Variants in CAMTA1 observed in about 807,000 individuals in gnomAD.
The protein encoded by CAMTA1 is calmodulin-binding transcription activator 1.
CAMTA1 carries 27 observed loss-of-function variants against 170.9 expected under a neutral mutation model. The ratio of observed to expected loss-of-function variants is 0.16; its 90% CI spans 0.12 to 0.22. The LOEUF is 0.22. Ranked by LOEUF, CAMTA1 falls within the 10% of genes least tolerant of loss-of-function variation. The pLI is 1.00. For missense variants in CAMTA1, 1,619 were observed against 2,217.2 expected (o/e 0.73, Z 5.42); for synonymous variants, 833 against 891.5 (o/e 0.93, Z 1.17).
chr1:7,162,485 C>T (rs1647417178), intron 4 of CAMTA1, among the ~76,000 whole-genome samples: 2 of 152,174 alleles, frequency 1.3e-5, no homozygotes, highest in South Asian at 4.1e-4. Context: ...CAGCCCAGGG[C>T]AACCACAAAT....
chr1:6,823,844 TG>T (rs1275893062), intron 2 of CAMTA1, among the ~76,000 whole-genome samples: 2 of 152,208 alleles, frequency 1.3e-5, no homozygotes, highest in Admixed American at 1.3e-4. Flanking sequence ...AACCAATGCC[TG>T]TATACTTATG....
In CAMTA1 at chr1:7,635,220, T is replaced by C. The variant is rs1209447535; in HGVS notation, c.511-5180T>C. Among the ~76,000 whole-genome samples the C allele has an allele frequency of 1.3e-5, 2 of 152,134 alleles. No homozygotes were observed. Among genetic ancestry groups the C allele is most frequent in the Non-Finnish European group, 2.9e-5 (2 of 68,018 alleles). ...TCTGCACAAGCTCTTCTTCCCTCCCTGAACCCACAGGGCCTGACAGGGTGG... is the reference window on the plus strand; with the variant it reads ...TCTGCACAAGCTCTTCTTCCCTCCCCGAACCCACAGGGCCTGACAGGGTGG... On this transcript the variant is annotated intron_variant, in intron 6 of 22. Coordinates refer to ENST00000303635, the MANE Select transcript of CAMTA1 (RefSeq NM_015215.4). This position sits in a 1 kb window ranked among gnomAD's most constrained non-coding sequence, Gnocchi z 4.4.
intron 6 of CAMTA1, among the ~76,000 whole-genome samples, chr1:7,500,288 A>G (rs1220992913): frequency 7.6e-6 from 1 of 131,864 alleles, no homozygotes; most frequent in Non-Finnish European, 1.6e-5. Flanking sequence ...GCATATGTAT[A>G]TGAGTGTGTG....
At chr1:7,431,076 G>T (rs1243975502) in intron 5 of CAMTA1, among the ~76,000 whole-genome samples, 1 of 152,170 alleles carries the variant, frequency 6.6e-6, no homozygotes, top group Non-Finnish European at 1.5e-5. Flanking sequence ...TCTTCAGGCT[G>T]GGGAAAACAT....
At chr1:7,129,176 G>T (rs1645107002) in intron 4 of CAMTA1, among the ~76,000 whole-genome samples, 1 of 152,008 alleles carries the variant, frequency 6.6e-6, no homozygotes, top group South Asian at 2.1e-4. Context: ...AAGGTCACTT[G>T]CCCAGGCTCC....
chr1:7,556,069 G>T (rs1174131239), intron 6 of CAMTA1, among the ~76,000 whole-genome samples: 2 of 152,232 alleles, frequency 1.3e-5, no homozygotes, highest in Non-Finnish European at 2.9e-5. Flanking sequence ...GGAGCCGGGG[G>T]CAATGTGGGC....
At chr1:6,809,639 A>G (rs1417382721) in intron 1 of CAMTA1, among the ~76,000 whole-genome samples, 1 of 152,104 alleles carries the variant, frequency 6.6e-6, no homozygotes, top group African/African-American at 2.4e-5. Context: ...ATTAGAAGTC[A>G]CAGTTGTGAG....
intron 6 of CAMTA1, among the ~76,000 whole-genome samples, chr1:7,515,166 C>T (rs1725240): frequency 0.22 from 28,888 of 130,428 alleles, 218 homozygotes; most frequent in East Asian, 0.36. Flanking sequence ...CCCCGGCTCC[C>T]TCCACCTGGG....
chr1:7,316,485 A>G (rs1398834231), intron 5 of CAMTA1, among the ~76,000 whole-genome samples: 3 of 152,234 alleles, frequency 2.0e-5, no homozygotes, highest in African/African-American at 4.8e-5. Flanking sequence ...AGAATGCTTG[A>G]CGCACGGTAA....
intron 1 of CAMTA1, among the ~76,000 whole-genome samples, chr1:6,817,309 T>C (rs1645943311): frequency 6.6e-6 from 1 of 152,232 alleles, no homozygotes; most frequent in African/African-American, 2.4e-5. Context: ...TGTTAAGCCT[T>C]GAATGTAAGA....
At chr1:7,098,294 T>G (rs1642328348) in intron 4 of CAMTA1, among the ~76,000 whole-genome samples, 1 of 152,236 alleles carries the variant, frequency 6.6e-6, no homozygotes, top group East Asian at 1.9e-4. Flanking sequence ...ACCTTTGCAT[T>G]ATGCACTGAA....
intron 5 of CAMTA1, among the ~76,000 whole-genome samples, chr1:7,257,585 C>T (rs111739384): frequency 7.3e-6 from 1 of 137,832 alleles, no homozygotes; most frequent in African/African-American, 2.8e-5. Context: ...AGGGTCTGTG[C>T]GTACTCTTGC....
rs1467243064 is a variant in CAMTA1 at position 6,886,374 on chromosome 1, C to G, written c.234+61164C>G. The G allele has an allele frequency of 2.5e-5, 11 of 434,622 alleles. No individual in the cohort carries two copies. In the East Asian group the frequency reaches 5.6e-4, roughly 22 times the overall value. 26.9% of individuals were successfully genotyped at this position (434,622 alleles called of 1,614,324 possible). A position where few individuals can be genotyped will look rare whatever the true frequency, so the allele number is the denominator to read the frequency against. On this transcript the variant is annotated intron_variant, in intron 3 of 22. Transcript: ENST00000303635. ...AATTGACATTTGATTGCCTTGAAAT[C>G]TTCAATTTGTTGTGCTGATATCTTA...
intron 5 of CAMTA1, among the ~76,000 whole-genome samples, chr1:7,383,837 G>C (rs1368089653): frequency 1.3e-5 from 2 of 152,126 alleles, no homozygotes; most frequent in African/African-American, 2.4e-5. Flanking sequence ...AGGGTGATGA[G>C]GATGATGATC....
chr1:7,234,171 C>G lies in CAMTA1; in HGVS notation c.303-15320C>G, dbSNP rs1043244326. Among the ~76,000 whole-genome samples the G allele has an allele frequency of 6.6e-6, 1 of 152,164 alleles. No individual in the cohort carries two copies. Among genetic ancestry groups the G allele is most frequent in the Admixed American group, 6.5e-5 (1 of 15,284 alleles). On this transcript the variant is annotated intron_variant, in intron 4 of 22. Transcript: ENST00000303635. The surrounding 1 kb of genome is among the most constrained non-coding windows in gnomAD (Gnocchi z 5.0). ...CTTGGGGTGAGCCGCTCTCTCGCCC[C>G]GTCTCCTGCCCCTGCCCTGTTCTTT...
intron 7 of CAMTA1, among the ~76,000 whole-genome samples, chr1:7,658,213 A>T (rs61772077): frequency 0.16 from 24,813 of 152,234 alleles, 2,572 homozygotes; most frequent in Middle Eastern, 0.33. Flanking sequence ...TGGCTTGGCA[A>T]GGGGCACCTG....
intron 6 of CAMTA1, among the ~76,000 whole-genome samples, chr1:7,548,475 G>A (rs372675800): frequency 2.9e-5 from 2 of 69,434 alleles, no homozygotes; most frequent in East Asian, 4.2e-4. Flanking sequence ...AGGAGTGGAG[G>A]TGCTGGTGGA....
chr1:7,760,170 C>A (rs1169452885), intron 22 of CAMTA1, among the ~76,000 whole-genome samples: 1 of 152,154 alleles, frequency 6.6e-6, no homozygotes, highest in Non-Finnish European at 1.5e-5. Context: ...AGAAATAACA[C>A]TTTTTAGTCA....
chr1:7,438,642 A>T (rs1196936202), intron 5 of CAMTA1, among the ~76,000 whole-genome samples: 1 of 152,172 alleles, frequency 6.6e-6, no homozygotes, highest in Non-Finnish European at 1.5e-5. Flanking sequence ...GCTGCAATGC[A>T]GCTGTGGCCC....
Sources: allele counts gnomAD v4.1 joint callset (sites outside exome capture counted in the v4.1 genomes callset), GRCh38; gene constraint gnomAD v4.1.1; non-coding constraint Gnocchi (gnomAD v3.1); transcripts MANE v1.5; gene names NCBI Gene and HGNC (gene_info 2026-07-23, HGNC 2026-07-21).